LRRC37A: variants seen among roughly 807,000 people sequenced by gnomAD.
LRRC37A encodes the protein leucine rich repeat containing 37A.
Under a neutral mutation model 35.4 loss-of-function variants are expected in LRRC37A, and 3 were observed. The ratio of observed to expected loss-of-function variants is 0.08; its 90% CI spans 0.04 to 0.22. The LOEUF is 0.22. Among genes scored for constraint, LRRC37A ranks in the 10% least tolerant of loss-of-function variants. The pLI is 1.00. For synonymous variants in LRRC37A, 23 were observed against 215.0 expected (o/e 0.11, Z 7.81); for missense variants, 67 against 565.3 (o/e 0.12, Z 8.94).
At chr17:46,261,567 A>C in the LRRC37A span, among the ~76,000 whole-genome samples, 4 of 143,484 alleles carry the variant, frequency 2.8e-5, no homozygotes, top group Admixed American at 1.4e-4. Flanking sequence ...ACGCACCACC[A>C]CACCCAGCTA....
chr17:46,268,721 A>T, the LRRC37A span: 1 of 1,411,000 alleles, frequency 7.1e-7, no homozygotes, highest in South Asian at 1.6e-5. Context: ...TTTCTGGATC[A>T]CAAGAGACAT....
chr17:46,275,181 C>T, the LRRC37A span: 5 of 313,002 alleles, frequency 1.6e-5, no homozygotes, highest in South Asian at 1.2e-4. Context: ...CGTGAGCCAC[C>T]GCACCTGGCA....
At chr17:46,260,148 C>G in the LRRC37A span, 1 of 1,007,198 alleles carries the variant, frequency 9.9e-7, no homozygotes, top group Non-Finnish European at 1.4e-6. Context: ...GCGCGGGCAG[C>G]AGCGCGGGCA....
At chr17:46,248,640 C>G in the LRRC37A span, among the ~76,000 whole-genome samples, 1 of 151,992 alleles carries the variant, frequency 6.6e-6, no homozygotes, top group Non-Finnish European at 1.5e-5. Context: ...CTGCCTCAGC[C>G]TCCTGAGTAG....
the LRRC37A span, among the ~76,000 whole-genome samples, chr17:46,265,357 C>CCTTCTCCTT: frequency 7.1e-6 from 1 of 140,472 alleles, no homozygotes; most frequent in Non-Finnish European, 1.6e-5. Context: ...TTCTTCTCCT[C>CCTTCTCCTT]CTTCTCCTTC....
upstream of LRRC37A, among the ~76,000 whole-genome samples, chr17:46,291,273 C>T (rs2050059135): frequency 4.6e-5 from 7 of 152,204 alleles, no homozygotes; most frequent in Admixed American, 3.9e-4. Flanking sequence ...CCTTCAAGAA[C>T]ATACAAGTGA....
At chr17:46,280,048 C>T in the LRRC37A span, among the ~76,000 whole-genome samples, 1 of 112,186 alleles carries the variant, frequency 8.9e-6, no homozygotes, top group Non-Finnish European at 2.4e-5. Context: ...CATTGCTTTC[C>T]CTGAACCTCT....
chr17:46,287,621 ATGG>A, the LRRC37A span, among the ~76,000 whole-genome samples: 4 of 152,298 alleles, frequency 2.6e-5, no homozygotes, highest in Non-Finnish European at 5.9e-5. Context: ...ATAATGGAAT[ATGG>A]CATGGGCCAC....
intron 1 of LRRC37A, among the ~76,000 whole-genome samples, chr17:46,298,723 CAAAA>C (rs1189992034): frequency 2.5e-5 from 1 of 40,416 alleles, no homozygotes; most frequent in African/African-American, 8.2e-5. Context: ...GACTCCATCT[CAAAA>C]AAAAAAAAAA....
At chr17:46,263,089 T>C in the LRRC37A span, among the ~76,000 whole-genome samples, 1 of 151,984 alleles carries the variant, frequency 6.6e-6, no homozygotes, top group Non-Finnish European at 1.5e-5. Context: ...GGTGGGTACC[T>C]GTAGTCCCAG....
Position 46,332,935 on chromosome 17 carries a change from A to G in LRRC37A, c.4809+279A>G, listed in dbSNP as rs572909378. ...TATAATAGCAAAATTTCTCCCACCC[A>G]AAACTATGTCAACAATTGGATGTAC... On this transcript the variant is annotated intron_variant, in intron 10 of 13. Transcript: ENST00000320254. Among the ~76,000 whole-genome samples, 4 of 151,606 alleles carry G rather than the reference A, an allele frequency of 2.6e-5. No homozygotes were observed. In the East Asian group the frequency reaches 5.8e-4, roughly 22 times the overall value.
At chr17:46,322,220 C>CT in intron 5 of LRRC37A, 102 bp from the exon 6 acceptor site, 1 of 434,364 alleles carries the variant, frequency 2.3e-6, no homozygotes, top group South Asian at 3.7e-5. Flanking sequence ...ACATTTTTTT[C>CT]TTTTTTACCT....
the LRRC37A span, among the ~76,000 whole-genome samples, chr17:46,249,836 G>A: frequency 2.6e-5 from 4 of 152,272 alleles, no homozygotes; most frequent in South Asian, 2.1e-4. Flanking sequence ...ATGGAGTCTC[G>A]CTCTGTCGCC....
At chr17:46,260,870 A>C in the LRRC37A span, among the ~76,000 whole-genome samples, 1 of 152,020 alleles carries the variant, frequency 6.6e-6, no homozygotes, top group African/African-American at 2.4e-5. Flanking sequence ...TGATCCACCC[A>C]CCTCGGCCTC....
the LRRC37A span, among the ~76,000 whole-genome samples, chr17:46,268,893 G>A: frequency 6.6e-6 from 1 of 152,262 alleles, no homozygotes; most frequent in Non-Finnish European, 1.5e-5. Context: ...CCTGAGCTCA[G>A]TGTCAAGGTG....
chr17:46,262,382 C>T, the LRRC37A span, among the ~76,000 whole-genome samples: 7 of 110,722 alleles, frequency 6.3e-5, no homozygotes, highest in Middle Eastern at 5.8e-3. Flanking sequence ...TCTTCTTCTT[C>T]TTTTTTAATT....
the LRRC37A span, chr17:46,267,338 T>C: frequency 6.6e-7 from 1 of 1,525,638 alleles, no homozygotes. Context: ...AACGGGATAG[T>C]GCATGACGTG....
the LRRC37A span, among the ~76,000 whole-genome samples, chr17:46,261,989 G>A: frequency 6.6e-6 from 1 of 152,138 alleles, no homozygotes; most frequent in South Asian, 2.1e-4. Flanking sequence ...TTGCTCTGTT[G>A]CCCAGGCTGG....
the LRRC37A span, among the ~76,000 whole-genome samples, chr17:46,264,644 G>A: frequency 4.3e-3 from 649 of 152,278 alleles, 4 homozygotes; most frequent in Non-Finnish European, 6.3e-3. Context: ...CAGTCTCTTT[G>A]AACTCTTTGT....
Sources: gnomAD v4.1 joint callset for allele counts (sites outside exome capture counted in the v4.1 genomes callset) on GRCh38, gnomAD v4.1.1 for gene constraint, MANE v1.5 for transcripts, NCBI Gene and HGNC (gene_info 2026-07-23, HGNC 2026-07-21) for gene names.